The following STK32A variants were observed in gnomAD, a reference collection of about 807,000 sequenced individuals.
STK32A encodes the protein serine/threonine-protein kinase 32A.
Under a neutral mutation model 53.2 loss-of-function variants are expected in STK32A, and 41 were observed. The observed-to-expected ratio is 0.77, with a 90% CI of 0.60 to 1.00. STK32A has a LOEUF of 1.00. STK32A is among the 50% of genes least tolerant of loss of function. The pLI, the probability that STK32A is intolerant of heterozygous loss-of-function variation, is 0.00. For synonymous variants in STK32A, 166 were observed against 162.8 expected (o/e 1.02, Z -0.15); for missense variants, 458 against 485.8 (o/e 0.94, Z 0.54).
chr5:147,263,980 A>G (rs1438808483), intron 2 of STK32A, among the ~76,000 whole-genome samples: 1 of 152,220 alleles, frequency 6.6e-6, no homozygotes, highest in East Asian at 1.9e-4. Context: ...GCATCAAAGT[A>G]GCTCTAGACT....
At chr5:147,279,438 G>A in intron 4 of STK32A, 40 bp downstream of exon 4, 1 of 1,536,152 alleles carries the variant, frequency 6.5e-7, no homozygotes, top group Non-Finnish European at 8.8e-7. Flanking sequence ...AGACACTCCT[G>A]TTATCGGTGG....
chr5:147,377,167 T>A (rs575724221), intron 11 of STK32A, among the ~76,000 whole-genome samples: 44 of 152,318 alleles, frequency 2.9e-4, no homozygotes, highest in African/African-American at 1.0e-3. Flanking sequence ...AAGTATATTC[T>A]GATATCTCAT....
chr5:147,387,161 G>GC lies in STK32A; in HGVS notation c.*3181dup, dbSNP rs916194039. ...AAGGCTCTTGCACTGTGACAGAGCT[G>GC]CCCACCTCCAGTACACCCTCAGTGA... On this transcript the variant is annotated 3_prime_UTR_variant, in exon 13 of 13. Coordinates refer to ENST00000397936, the MANE Select transcript of STK32A (RefSeq NM_001112724.2). 4 of 152,186 alleles carry GC rather than the reference G, an allele frequency of 2.6e-5. No homozygotes were observed. The highest frequency in any genetic ancestry group is 5.9e-5 in the Non-Finnish European group (4 of 68,050). 9.4% of individuals were successfully genotyped at this position (152,186 alleles called of 1,614,324 possible). A position where few individuals can be genotyped will look rare whatever the true frequency, so the allele number is the denominator to read the frequency against.
chr5:147,384,184 G>C lies in STK32A; in HGVS notation c.*201G>C, dbSNP rs1757563517. ...GGATGTCATTTCACATCAATCAACT[G>C]TGTGATCTAGAGCAAGTCACTTAGC... On this transcript the variant is annotated 3_prime_UTR_variant, in exon 13 of 13. Transcript: ENST00000397936. 2 of 1,428,170 alleles carry C rather than the reference G, an allele frequency of 1.4e-6. No individual in the cohort carries two copies. Among genetic ancestry groups the C allele is most frequent in the Non-Finnish European group, 1.8e-6 (2 of 1,101,706 alleles). The allele number at this position is 1,428,170 out of a possible 1,614,324, so 88.5% of individuals were successfully genotyped here.
chr5:147,245,491 T>G (rs1291108024), intron 2 of STK32A, among the ~76,000 whole-genome samples: 1 of 152,144 alleles, frequency 6.6e-6, no homozygotes, highest in African/African-American at 2.4e-5. Flanking sequence ...GTTGGTATGG[T>G]TTTGCTTATT....
At chr5:147,339,678 G>A (rs1755308946) in intron 5 of STK32A, among the ~76,000 whole-genome samples, 1 of 152,260 alleles carries the variant, frequency 6.6e-6, no homozygotes, top group African/African-American at 2.4e-5. Context: ...CCAAGGTTGT[G>A]GGAGCCCACA....
At chr5:147,391,208 C>T (rs1757789623), downstream of STK32A, 1 of 152,584 alleles carries the variant, frequency 6.6e-6, no homozygotes, top group South Asian at 2.1e-4. Context: ...GCTCAGGTGT[C>T]AGCCCTTTGT....
chr5:147,332,450 G>A (rs1304462643), intron 5 of STK32A, among the ~76,000 whole-genome samples: 3 of 151,290 alleles, frequency 2.0e-5, no homozygotes, highest in African/African-American at 7.3e-5. Flanking sequence ...AAAGCTACAT[G>A]TCCAGTATGA....
chr5:147,326,884 T>A (rs1344076408), intron 5 of STK32A, among the ~76,000 whole-genome samples: 1 of 150,068 alleles, frequency 6.7e-6, no homozygotes, highest in Non-Finnish European at 1.5e-5. Flanking sequence ...CAGTGTTTTT[T>A]GGTTTTTTAT....
downstream of STK32A, chr5:147,387,924 G>T (rs1757715620): frequency 6.6e-6 from 1 of 152,130 alleles, no homozygotes; most frequent in Non-Finnish European, 1.5e-5. Flanking sequence ...TCCAGAGATA[G>T]CATTGCGGGT....
intron 1 of STK32A, among the ~76,000 whole-genome samples, chr5:147,237,957 A>AT (rs567051464): frequency 0.013 from 1,982 of 152,336 alleles, 45 homozygotes; most frequent in African/African-American, 0.044. Context: ...GAAATCAACT[A>AT]TTTTTTTAAA....
At chr5:147,239,396 T>C (rs1686354631) in intron 1 of STK32A, 143 bp from the exon 2 acceptor site, 1 of 423,554 alleles carries the variant, frequency 2.4e-6, no homozygotes, top group Non-Finnish European at 4.2e-6. Context: ...TTGATGTTTT[T>C]ATTCTGAAAT....
rs543912258 is a variant in STK32A at position 147,351,174 on chromosome 5, CTT to C, written c.562+29_562+30del. ...ACATGGGTATGGGTTTCATGAGTGT[CTT>C]TTTTTTTTCTTTCCTGTAAATACCA... On this transcript the variant is annotated intron_variant, in intron 7 of 12. Coordinates refer to ENST00000397936, the MANE Select transcript of STK32A (RefSeq NM_001112724.2). 7 of 1,463,272 alleles carry C rather than the reference CTT, an allele frequency of 4.8e-6. No individual in the cohort carries two copies. The highest frequency in any genetic ancestry group is 1.9e-5 in the Admixed American group (1 of 53,992). The allele number at this position is 1,463,272 out of a possible 1,614,324, so 90.6% of individuals were successfully genotyped here.
rs71001423 is a variant in STK32A at position 147,260,295 on chromosome 5, G to GTCTC, written c.53-17809_53-17806dup. On this transcript the variant is annotated intron_variant, in intron 2 of 12. Transcript: ENST00000397936. The stretch of plus-strand genomic sequence containing the variant: ...CCCTCTCTGTCTCTCTCTCTCGCCT[G>GTCTC]TCTCTCTCTCTCTCTCTCTCTCTTC... 1.4e-3 allele frequency among the ~76,000 whole-genome samples: 164 copies of GTCTC among 117,392 alleles called. 1 individual carries two copies. The highest frequency in any genetic ancestry group is 4.7e-3 in the African/African-American group (144 of 30,922). 77.0% of individuals were successfully genotyped at this position (117,392 alleles called of 152,430 possible).
chr5:147,348,830 A>G (rs753065149), intron 6 of STK32A: 1 of 709,618 alleles, frequency 1.4e-6, no homozygotes, highest in Non-Finnish European at 2.6e-6. Context: ...TTCTTGCCAA[A>G]TGCTGTGCTA....
Position 147,372,269 on chromosome 5 carries a change from C to CTTTTTTTTTTTTTT in STK32A, c.778-883_778-870dup, listed in dbSNP as rs71274369. Among the ~76,000 whole-genome samples, 6 of 49,350 alleles carry CTTTTTTTTTTTTTT rather than the reference C, an allele frequency of 1.2e-4. 2 individuals carry two copies. In the East Asian group the frequency reaches 4.4e-3, roughly 36 times the overall value. The allele number at this position is 49,350 out of a possible 152,430, so 32.4% of individuals were successfully genotyped here. A position where few individuals can be genotyped will look rare whatever the true frequency, so the allele number is the denominator to read the frequency against. On this transcript the variant is annotated intron_variant, in intron 9 of 12. Coordinates refer to ENST00000397936, the MANE Select transcript of STK32A (RefSeq NM_001112724.2). Reference sequence around the variant, plus strand: ...GGGGCCCAAGAGGAATGGGCTTGGCCTTTTTTTTTTTTTTTTTTTTTTTTT... The same window carrying CTTTTTTTTTTTTTT: ...GGGGCCCAAGAGGAATGGGCTTGGCCTTTTTTTTTTTTTTTTTTTTTTTTTTTTTTTTTTTTTTT...
At chr5:147,363,010 C>T (rs533361651) in intron 8 of STK32A, among the ~76,000 whole-genome samples, 1 of 151,848 alleles carries the variant, frequency 6.6e-6, no homozygotes, top group Non-Finnish European at 1.5e-5. Flanking sequence ...CACTTGAGCC[C>T]AGGAGGTAGA....
At position 147,370,727 on chromosome 5, in the gene STK32A, AC is replaced by A; in HGVS notation, c.737del (p.Pro246LeufsTer36). The part of the protein sequence containing the change: ...VHTFETTVVT[Y>X]PSAWSQEMVS... ...ACGTTTGAGACGACTGTTGTAACTTACCCTTCTGCCTGGTCACAGGAAATGG... is the reference window on the plus strand; with the variant it reads ...ACGTTTGAGACGACTGTTGTAACTTACCTTCTGCCTGGTCACAGGAAATGG... On this transcript the variant is annotated frameshift_variant, in exon 9 of 13. Coordinates refer to ENST00000397936, the MANE Select transcript of STK32A (RefSeq NM_001112724.2). LOFTEE classifies it high-confidence loss of function. The A allele has an allele frequency of 6.2e-7, 1 of 1,612,702 alleles. No homozygotes were observed.
chr5:147,370,521 A>G, intron 8 of STK32A, 133 bp from the exon 9 acceptor site: 1 of 507,254 alleles, frequency 2.0e-6, no homozygotes, highest in Non-Finnish European at 3.5e-6. Flanking sequence ...TGGCAACGCA[A>G]GAGTCAGCTG....
Sources: allele counts gnomAD v4.1 joint callset (sites outside exome capture counted in the v4.1 genomes callset), GRCh38; gene constraint gnomAD v4.1.1; transcripts MANE v1.5; gene names NCBI Gene and HGNC (gene_info 2026-07-23, HGNC 2026-07-21).